Variants in RARB observed in about 807,000 individuals in gnomAD.
The protein encoded by RARB is HBV-activated protein.
In RARB, 17 loss-of-function variants were observed where a neutral mutation model predicts 51.9. That is an observed-to-expected ratio of 0.33 (90% CI 0.22 to 0.49). The LOEUF is 0.49. Among genes scored for constraint, RARB ranks in the 20% least tolerant of loss-of-function variants. The pLI is 0.99. For missense variants in RARB, 369 were observed against 550.8 expected (o/e 0.67, Z 3.30); for synonymous variants, 215 against 195.4 (o/e 1.10, Z -0.84).
At chr3:25,026,168 G>T (rs1379333306) in intron 2 of RARB, among the ~76,000 whole-genome samples, 1 of 152,188 alleles carries the variant, frequency 6.6e-6, no homozygotes, top group Non-Finnish European at 1.5e-5. Flanking sequence ...TGTGGCATAT[G>T]AGGAAAGGGG....
At chr3:24,954,833 C>T (rs1280719937) in intron 2 of RARB, among the ~76,000 whole-genome samples, 1 of 152,124 alleles carries the variant, frequency 6.6e-6, no homozygotes, top group East Asian at 1.9e-4. Flanking sequence ...ACTCCTTTAC[C>T]TGGCTGCCAG....
At chr3:25,275,242 G>T (rs981401226) in intron 5 of RARB, among the ~76,000 whole-genome samples, 1 of 152,100 alleles carries the variant, frequency 6.6e-6, no homozygotes, top group African/African-American at 2.4e-5. Context: ...CAGAAGGATT[G>T]CTTGAGCCCA....
intron 5 of RARB, among the ~76,000 whole-genome samples, chr3:25,408,145 T>C (rs571596534): frequency 6.6e-6 from 1 of 152,316 alleles, no homozygotes; most frequent in South Asian, 2.1e-4. Flanking sequence ...TATGTCATCT[T>C]TCATTAACTA....
intron 5 of RARB, among the ~76,000 whole-genome samples, chr3:25,249,021 G>GGTTT (rs1240428301): frequency 3.9e-5 from 6 of 151,942 alleles, no homozygotes; most frequent in Admixed American, 1.3e-4. Flanking sequence ...TTGTTAAATA[G>GGTTT]GTTTTCTGTG....
intron 5 of RARB, among the ~76,000 whole-genome samples, chr3:25,364,445 G>T (rs1197111061): frequency 1.3e-5 from 2 of 152,208 alleles, no homozygotes; most frequent in Non-Finnish European, 2.9e-5. Flanking sequence ...TACACAAAAT[G>T]TGGGCTTCAC....
At chr3:25,183,103 C>T (rs1700896469) in intron 5 of RARB, among the ~76,000 whole-genome samples, 2 of 152,118 alleles carry the variant, frequency 1.3e-5, no homozygotes, top group South Asian at 4.1e-4. Context: ...GATACAGGGA[C>T]CATAACTTCT....
At chr3:24,994,070 G>A (rs1429915215) in intron 2 of RARB, among the ~76,000 whole-genome samples, 1 of 152,080 alleles carries the variant, frequency 6.6e-6, no homozygotes, top group Non-Finnish European at 1.5e-5. Flanking sequence ...AGTTTATTGA[G>A]GAACCTCCAT....
At chr3:25,342,631 A>G (rs1223990186) in intron 5 of RARB, among the ~76,000 whole-genome samples, 1 of 152,182 alleles carries the variant, frequency 6.6e-6, no homozygotes, top group African/African-American at 2.4e-5. Flanking sequence ...GCCTGCACTA[A>G]TTATTAAATG....
chr3:25,129,760 G>A (rs1268744110), intron 3 of RARB, among the ~76,000 whole-genome samples: 1 of 152,086 alleles, frequency 6.6e-6, no homozygotes, highest in Admixed American at 6.6e-5. Context: ...TTTGCATATG[G>A]TTGGAATTTT....
chr3:24,848,758 G>A (rs750983447), intron 1 of RARB, among the ~76,000 whole-genome samples: 1 of 152,166 alleles, frequency 6.6e-6, no homozygotes, highest in Non-Finnish European at 1.5e-5. Flanking sequence ...ATGATTGATT[G>A]TTTTTTACTT....
At chr3:25,297,728 C>A (rs540753629) in intron 5 of RARB, among the ~76,000 whole-genome samples, 1 of 152,094 alleles carries the variant, frequency 6.6e-6, no homozygotes, top group African/African-American at 2.4e-5. Context: ...TCCCCTCATT[C>A]CCCAGTCTAG....
intron 3 of RARB, among the ~76,000 whole-genome samples, chr3:25,099,375 A>C (rs1424127545): frequency 6.6e-6 from 1 of 152,150 alleles, no homozygotes; most frequent in Non-Finnish European, 1.5e-5. Flanking sequence ...TGTCAAGATA[A>C]GCTTTCAAAG....
chr3:25,045,320 ACAGAGTTGAGGAAG>A (rs1698191633), intron 2 of RARB, among the ~76,000 whole-genome samples: 2 of 152,106 alleles, frequency 1.3e-5, no homozygotes, highest in Admixed American at 6.5e-5. Context: ...CCCCTAATTA[ACAGAGTTGAGGAAG>A]ACTGGGGTTC....
At chr3:25,232,273 CA>C (rs1295917127) in intron 5 of RARB, among the ~76,000 whole-genome samples, 1 of 152,040 alleles carries the variant, frequency 6.6e-6, no homozygotes, top group Non-Finnish European at 1.5e-5. Context: ...ATGTTTGCTC[CA>C]ATTTTGTTCT....
chr3:25,585,624 A>G lies in RARB; in HGVS notation c.786+4902A>G, dbSNP rs1701353218. Among the ~76,000 whole-genome samples, 2 of 152,212 alleles carry G rather than the reference A, an allele frequency of 1.3e-5. 1 individual carries two copies. The highest frequency in any genetic ancestry group is 4.1e-4 in the South Asian group (2 of 4,830). On this transcript the variant is annotated intron_variant, in intron 5 of 7. Transcript: ENST00000330688. ...AAATGATGGGGAAAGCTGGTATGCC[A>G]CAGTGATGCGTGGGTGGTGCAACCA... is the stretch of plus-strand genomic sequence containing the variant.
intron 5 of RARB, among the ~76,000 whole-genome samples, chr3:25,293,502 C>T (rs1240954264): frequency 2.0e-5 from 3 of 149,254 alleles, no homozygotes; most frequent in Non-Finnish European, 3.0e-5. Context: ...TGCCTATTAC[C>T]CAACATACAA....
At chr3:25,477,078 C>T (rs1262301054) in intron 2 of RARB, among the ~76,000 whole-genome samples, 2 of 152,142 alleles carry the variant, frequency 1.3e-5, no homozygotes, top group Admixed American at 6.5e-5. Flanking sequence ...TATCACAGGA[C>T]AATAGCTATG....
At chr3:25,539,532 C>CTTTTTTTTTTTTTT (rs56693487) in intron 3 of RARB, among the ~76,000 whole-genome samples, 2 of 102,426 alleles carry the variant, frequency 2.0e-5, no homozygotes, top group African/African-American at 8.7e-5. Context: ...CTCTCTCTCT[C>CTTTTTTTTTTTTTT]TTTTTTTTTT....
intron 2 of RARB, among the ~76,000 whole-genome samples, chr3:25,491,338 C>G (rs930497597): frequency 1.3e-5 from 2 of 152,152 alleles, no homozygotes; most frequent in Non-Finnish European, 2.9e-5. Context: ...CATAAAACCC[C>G]TCCTGTAAGG....
Sources: gnomAD v4.1 joint callset for allele counts (sites outside exome capture counted in the v4.1 genomes callset) on GRCh38, gnomAD v4.1.1 for gene constraint, MANE v1.5 for transcripts, NCBI Gene and HGNC (gene_info 2026-07-23, HGNC 2026-07-21) for gene names.